ABCA4: variants seen among roughly 807,000 people sequenced by gnomAD.
ABCA4 encodes the protein ATP binding cassette subfamily A member 4, also known as retinal-specific phospholipid-transporting ATPase ABCA4.
Under a neutral mutation model 263.7 loss-of-function variants are expected in ABCA4, and 196 were observed. That is an observed-to-expected ratio of 0.74 (90% CI 0.66 to 0.84). The LOEUF (loss-of-function observed/expected upper bound fraction) is 0.84, where lower values mean the gene tolerates loss of function less well. Ranked by LOEUF, ABCA4 falls within the 40% of genes least tolerant of loss-of-function variation. The pLI is 0.00. For missense variants in ABCA4, 2,792 were observed against 2,855.1 expected (o/e 0.98, Z 0.50); for synonymous variants, 1,133 against 1,094.2 (o/e 1.04, Z -0.70).
At chr1:94,008,200 G>A (rs373000140) in intron 42 of ABCA4, 35 bp downstream of exon 42, 19 of 1,604,792 alleles carry the variant, frequency 1.2e-5, no homozygotes, top group African/African-American at 4.0e-5. Flanking sequence ...GCTGATGTTC[G>A]GAAGCCTTTC....
At position 94,027,086 on chromosome 1, in the gene ABCA4, G is replaced by C. The variant is rs866416636; in HGVS notation, c.4540-2038C>G. 7.9e-5 allele frequency among the ~76,000 whole-genome samples: 12 copies of C among 152,212 alleles called. No homozygotes were observed. Among genetic ancestry groups the C allele is most frequent in the South Asian group, 2.1e-4 (1 of 4,834 alleles). The stretch of plus-strand genomic sequence containing the variant: ...AAAGAGAGAGAGAGAAAAAGAGTGA[G>C]TGAGAGAGACAGAGCGCGCACAGCT... On this transcript the variant is annotated intron_variant, in intron 30 of 49. Coordinates refer to ENST00000370225, the MANE Select transcript of ABCA4 (RefSeq NM_000350.3).
intron 49 of ABCA4, among the ~76,000 whole-genome samples, chr1:93,995,800 G>A (rs1557756678): frequency 6.6e-6 from 1 of 152,074 alleles, no homozygotes; most frequent in Non-Finnish European, 1.5e-5. Context: ...AAGCTTTTTT[G>A]CTGTAAGCAA....
Position 94,119,423 on chromosome 1 carries a change from G to A in ABCA4, c.66+1557C>T, listed in dbSNP as rs556378155. Reference sequence around the variant, plus strand: ...ACACAGGTTTTGGAGCCATCCATGCGCATGGTTGAAGCGTGTCCCATGCTG... The same window carrying A: ...ACACAGGTTTTGGAGCCATCCATGCACATGGTTGAAGCGTGTCCCATGCTG... On this transcript the variant is annotated intron_variant, in intron 1 of 49. Coordinates refer to ENST00000370225, the MANE Select transcript of ABCA4 (RefSeq NM_000350.3). Among the ~76,000 whole-genome samples the A allele has an allele frequency of 6.9e-4, 105 of 152,268 alleles. 2 individuals are homozygous for A. Among genetic ancestry groups the A allele is most frequent in the African/African-American group, 2.2e-3 (92 of 41,550 alleles).
At chr1:94,101,537 C>A (rs1179163347) in intron 5 of ABCA4, among the ~76,000 whole-genome samples, 1 of 152,204 alleles carries the variant, frequency 6.6e-6, no homozygotes, top group Non-Finnish European at 1.5e-5. Context: ...GTGTGAGAAC[C>A]TGCTTCCAGG....
intron 44 of ABCA4, among the ~76,000 whole-genome samples, chr1:94,005,056 A>G (rs1010693215): frequency 2.6e-5 from 4 of 152,244 alleles, no homozygotes; most frequent in African/African-American, 9.6e-5. Flanking sequence ...TTATTCAGCC[A>G]ATCTACAATG....
intron 6 of ABCA4, among the ~76,000 whole-genome samples, chr1:94,086,864 G>A (rs1661845465): frequency 6.6e-6 from 1 of 152,122 alleles, no homozygotes; most frequent in Non-Finnish European, 1.5e-5. Context: ...AAGAATACGA[G>A]ATCAGCACTG....
Position 94,063,259 on chromosome 1 carries a change from G to A in ABCA4, c.1613C>T (p.Ala538Val). Residue 538 changes from alanine (A) to valine (V), a missense_variant, in exon 12 of 50, where the codon GCC (alanine) becomes GTC (valine). Ala to Val is a moderately conservative substitution (Grantham distance 64, BLOSUM62 0). Coordinates refer to ENST00000370225, the MANE Select transcript of ABCA4 (RefSeq NM_000350.3). Reference protein sequence around the residue: ...YNDETQLTQRALSLLEENMFW... With the variant: ...YNDETQLTQRVLSLLEENMFW... ...CATGTTTTCCTCCAGTAGAGAGAGG[G>A]CACGTTGGGTGAGCTGAGTTTCATC... 1 of 1,614,172 alleles carries A rather than the reference G, an allele frequency of 6.2e-7. No individual in the cohort carries two copies. Among genetic ancestry groups the A allele is most frequent in the Non-Finnish European group, 8.5e-7 (1 of 1,180,038 alleles).
At chr1:94,105,445 C>A (rs184935543) in intron 4 of ABCA4, among the ~76,000 whole-genome samples, 1 of 152,254 alleles carries the variant, frequency 6.6e-6, no homozygotes, top group African/African-American at 2.4e-5. Context: ...GTGCTGGCTT[C>A]TGGTACACCT....
At position 94,055,190 on chromosome 1, in the gene ABCA4, G is replaced by A; in HGVS notation, c.2508C>T (p.Phe836=). Residue 836 remains phenylalanine (F), a synonymous_variant, in exon 16 of 50, where the codon TTC becomes TTT. Coordinates refer to ENST00000370225, the MANE Select transcript of ABCA4 (RefSeq NM_000350.3). ...NSPTEGDEFS[F]LLSMQMMLLD... is the part of the protein sequence containing the mutation. ...GGAGCATCATCTGCATGGACAGCAG[G>A]AAGCTGAATTCGTCCCCTTCCGTGG... 1 of 1,614,180 alleles carries A rather than the reference G, an allele frequency of 6.2e-7. No individual in the cohort carries two copies. Among genetic ancestry groups the A allele is most frequent in the Middle Eastern group, 1.6e-4 (1 of 6,062 alleles).
At chr1:94,092,206 G>A (rs1277608378) in intron 6 of ABCA4, among the ~76,000 whole-genome samples, 1 of 152,160 alleles carries the variant, frequency 6.6e-6, no homozygotes, top group Non-Finnish European at 1.5e-5. Flanking sequence ...GGGCAGACAT[G>A]GCCTCTGCAG....
At chr1:94,067,761 T>C (rs1661308232) in intron 11 of ABCA4, among the ~76,000 whole-genome samples, 1 of 152,224 alleles carries the variant, frequency 6.6e-6, no homozygotes, top group African/African-American at 2.4e-5. Flanking sequence ...GAAGGCTTAC[T>C]ATACGGCCAA....
chr1:94,037,309 G>A lies in ABCA4; in HGVS notation c.3649C>T (p.Pro1217Ser). ...ELMDVVLHHV[P>S]EAKLVECIGQ... The stretch of plus-strand genomic sequence containing the variant: ...ATGCACTCCACCAGCTTTGCCTCTG[G>A]AACATGGTGGAGAACTACATCCATC... Residue 1217 changes from proline to serine, a missense_variant, in exon 25 of 50, where the codon CCA becomes TCA. Transcript: ENST00000370225. 1.2e-6 allele frequency: 2 copies of A among 1,614,180 alleles called. No individual in the cohort carries two copies. The highest frequency in any genetic ancestry group is 1.7e-6 in the Non-Finnish European group (2 of 1,180,046).
rs374093851 is a variant in ABCA4 at position 94,060,531 on chromosome 1, G to A, written c.2160+6C>T. ...AGATTTTCTGGGCCTTCTCCATTTG[G>A]CTTACCATGATGAATATCGTCAGGA... On this transcript the variant is annotated splice_donor_region_variant and intron_variant, in intron 14 of 49. Transcript: ENST00000370225. 1 of 1,612,790 alleles carries A rather than the reference G, an allele frequency of 6.2e-7. No individual in the cohort carries two copies. The highest frequency in any genetic ancestry group is 1.1e-5 in the South Asian group (1 of 91,030).
chr1:94,098,349 T>A (rs1041762674), intron 6 of ABCA4, among the ~76,000 whole-genome samples: 1 of 152,132 alleles, frequency 6.6e-6, no homozygotes, highest in African/African-American at 2.4e-5. Context: ...ATTTATGAAA[T>A]GTTTTGCGTA....
chr1:94,048,768 G>T, intron 18 of ABCA4, 100 bp downstream of exon 18: 1 of 1,156,824 alleles, frequency 8.6e-7, no homozygotes. Flanking sequence ...AGTTTCCTAG[G>T]CTTCTTTCCA....
At chr1:94,120,327 T>C (rs1319323796) in intron 1 of ABCA4, among the ~76,000 whole-genome samples, 1 of 152,154 alleles carries the variant, frequency 6.6e-6, no homozygotes. Context: ...CCCAGGCTGG[T>C]GTCTGCTCAT....
chr1:94,009,537 T>C (rs1659490006), intron 40 of ABCA4, among the ~76,000 whole-genome samples: 1 of 152,168 alleles, frequency 6.6e-6, no homozygotes, highest in African/African-American at 2.4e-5. Flanking sequence ...CTCCCCCTGG[T>C]TCCCAGTCCT....
intron 1 of ABCA4, among the ~76,000 whole-genome samples, chr1:94,117,059 C>T: frequency 7.5e-6 from 1 of 133,310 alleles, no homozygotes; most frequent in African/African-American, 2.9e-5. Flanking sequence ...TCCTTTCTTT[C>T]CTTTCTCTCT....
At position 94,041,391 on chromosome 1, in the gene ABCA4, T is replaced by G. The variant is rs1166656768; in HGVS notation, c.3340A>C (p.Ile1114Leu). 1.9e-6 allele frequency: 3 copies of G among 1,613,762 alleles called. No homozygotes were observed. The highest frequency in any genetic ancestry group is 2.5e-6 in the Non-Finnish European group (3 of 1,180,008). Residue 1114 changes from isoleucine to leucine, a missense_variant, in exon 23 of 50, where the codon ATC becomes CTC. Transcript: ENST00000370225. Reference sequence around the variant, plus strand: ...TCGTCCATGTGGTGAGTGGACATGATGATGGTTCTGCCTGCAAGGTAGGGG... The same window carrying G: ...TCGTCCATGTGGTGAGTGGACATGAGGATGGTTCTGCCTGCAAGGTAGGGG... ...LLKYRSGRTI[I>L]MSTHHMDEAD...
Sources: allele counts gnomAD v4.1 joint callset (sites outside exome capture counted in the v4.1 genomes callset), GRCh38; gene constraint gnomAD v4.1.1; transcripts MANE v1.5; gene names NCBI Gene and HGNC (gene_info 2026-07-23, HGNC 2026-07-21).